The following XKR9 variants were observed in gnomAD, a reference collection of about 807,000 sequenced individuals.
The protein encoded by XKR9 is XK related 9, also known as XK-related protein 9.
In XKR9, 32 loss-of-function variants were observed where a neutral mutation model predicts 32.0. The ratio of observed to expected loss-of-function variants is 1.00; its 90% CI spans 0.76 to 1.34. The LOEUF is 1.34. Among genes scored for constraint, XKR9 ranks in the 40% most tolerant of loss-of-function variants. The pLI is 0.00. For missense variants in XKR9, 546 were observed against 429.7 expected, an observed-to-expected ratio of 1.27 and a Z score of -2.39; for synonymous variants, 168 against 143.4, an observed-to-expected ratio of 1.17 and a Z score of -1.22.
chr8:70,796,095 A>G, the XKR9 span, among the ~76,000 whole-genome samples: 2 of 151,334 alleles, frequency 1.3e-5, no homozygotes, highest in African/African-American at 4.9e-5. Context: ...TCAGGAGTAC[A>G]TGTGCAGGTT....
Position 70,754,264 on chromosome 8 carries a change from A to T in XKR9, n.353-35075A>T, listed in dbSNP as rs900157692. Among the ~76,000 whole-genome samples, 4 of 147,542 alleles carry T rather than the reference A, an allele frequency of 2.7e-5. 1 individual carries two copies. The highest frequency in any genetic ancestry group is 6.0e-5 in the Non-Finnish European group (4 of 67,102). Reference sequence around the variant, plus strand: ...AGACCACTGCTCAATGAAATAAAAGAGGATACAAACAAATGGGAGAACATT... The same window carrying T: ...AGACCACTGCTCAATGAAATAAAAGTGGATACAAACAAATGGGAGAACATT... On this transcript the variant is annotated intron_variant and non_coding_transcript_variant, in intron 2 of 3. Coordinates refer to the XKR9 transcript ENST00000520273.
the XKR9 span, among the ~76,000 whole-genome samples, chr8:70,889,660 T>G: frequency 2.0e-5 from 3 of 151,918 alleles, no homozygotes; most frequent in Non-Finnish European, 2.9e-5. Context: ...ATTACAAATA[T>G]TATATGTAAT....
the XKR9 span, among the ~76,000 whole-genome samples, chr8:70,975,948 G>T: frequency 6.6e-6 from 1 of 152,050 alleles, no homozygotes; most frequent in East Asian, 1.9e-4. Flanking sequence ...TCCTTGAAGA[G>T]GTCCTTCACA....
At chr8:70,944,540 T>C in the XKR9 span, among the ~76,000 whole-genome samples, 1 of 152,270 alleles carries the variant, frequency 6.6e-6, no homozygotes, top group South Asian at 2.1e-4. Context: ...CTTATCTTGT[T>C]TATGGTCTCT....
At chr8:70,892,573 T>C in the XKR9 span, among the ~76,000 whole-genome samples, 2 of 152,182 alleles carry the variant, frequency 1.3e-5, no homozygotes, top group African/African-American at 4.8e-5. Flanking sequence ...AATGACTTTA[T>C]TTCTCTCTCA....
At chr8:70,727,081 T>C (rs994987909) in intron 4 of XKR9, among the ~76,000 whole-genome samples, 2 of 152,216 alleles carry the variant, frequency 1.3e-5, no homozygotes, top group Non-Finnish European at 2.9e-5. Context: ...CCCTCGATTC[T>C]TTTGGGATGG....
chr8:70,695,162 TA>T (rs942169987), intron 3 of XKR9, among the ~76,000 whole-genome samples: 6 of 149,924 alleles, frequency 4.0e-5, no homozygotes, highest in Admixed American at 1.3e-4. Context: ...GATTTGTTTT[TA>T]AAAAAATTTT....
At chr8:71,064,167 T>C in the XKR9 span, among the ~76,000 whole-genome samples, 4 of 152,198 alleles carry the variant, frequency 2.6e-5, no homozygotes, top group Non-Finnish European at 5.9e-5. Flanking sequence ...AACTACCATA[T>C]ACCCATCATT....
chr8:70,743,393 C>T (rs1807015556), intron 2 of XKR9, among the ~76,000 whole-genome samples: 1 of 152,108 alleles, frequency 6.6e-6, no homozygotes, highest in Admixed American at 6.5e-5. Flanking sequence ...GATTGGTCTC[C>T]ATTCATTGCC....
the XKR9 span, among the ~76,000 whole-genome samples, chr8:71,012,373 G>A: frequency 6.6e-6 from 1 of 152,120 alleles, no homozygotes; most frequent in African/African-American, 2.4e-5. Flanking sequence ...AGGTTCCCAG[G>A]GAAGGTTGGT....
the XKR9 span, among the ~76,000 whole-genome samples, chr8:71,045,598 C>A: frequency 6.6e-6 from 1 of 152,176 alleles, no homozygotes; most frequent in African/African-American, 2.4e-5. Flanking sequence ...GGATGGGAGG[C>A]AACAGGGCCT....
intron 3 of XKR9, among the ~76,000 whole-genome samples, chr8:70,685,956 TTTTG>T (rs1225178003): frequency 1.3e-5 from 2 of 151,230 alleles, no homozygotes; most frequent in Non-Finnish European, 3.0e-5. Flanking sequence ...AAAAATAAGT[TTTTG>T]TTTATCTTCA....
chr8:70,974,417 G>T, the XKR9 span, among the ~76,000 whole-genome samples: 5 of 152,024 alleles, frequency 3.3e-5, no homozygotes, highest in South Asian at 8.3e-4. Flanking sequence ...GACAGGCCCC[G>T]GTGTTTGCTG....
chr8:71,014,561 G>GT, the XKR9 span, among the ~76,000 whole-genome samples: 1 of 152,046 alleles, frequency 6.6e-6, no homozygotes. Context: ...ACCTGCCATT[G>GT]GATTTAGGGG....
At chr8:70,803,154 A>G in the XKR9 span, among the ~76,000 whole-genome samples, 3,330 of 151,790 alleles carry the variant, frequency 0.022, 134 homozygotes, top group African/African-American at 0.076. Flanking sequence ...ATTTTCCTTT[A>G]TTTTTTAAAT....
At chr8:70,706,759 CTG>C (rs2132176198) in intron 3 of XKR9, among the ~76,000 whole-genome samples, 172 bp from the exon 4 acceptor site, 1 of 152,126 alleles carries the variant, frequency 6.6e-6, no homozygotes, top group East Asian at 1.9e-4. Context: ...TTTACAGGGT[CTG>C]AATCTCAATA....
chr8:71,004,215 T>G, the XKR9 span, among the ~76,000 whole-genome samples: 1 of 152,150 alleles, frequency 6.6e-6, no homozygotes, highest in African/African-American at 2.4e-5. Context: ...ATGGGTAAAA[T>G]CAGATTTTGG....
the XKR9 span, among the ~76,000 whole-genome samples, chr8:70,950,981 T>C: frequency 6.6e-6 from 1 of 152,198 alleles, no homozygotes; most frequent in Non-Finnish European, 1.5e-5. Context: ...GCCTTCCTTC[T>C]CCTTTTCTTG....
chr8:71,017,985 A>G, the XKR9 span, among the ~76,000 whole-genome samples: 3 of 152,216 alleles, frequency 2.0e-5, no homozygotes, highest in Non-Finnish European at 4.4e-5. Flanking sequence ...AGTTGGTAGT[A>G]TCTGTAACAA....
Sources: allele counts gnomAD v4.1 joint callset (sites outside exome capture counted in the v4.1 genomes callset), GRCh38; gene constraint gnomAD v4.1.1; transcripts MANE v1.5; gene names NCBI Gene and HGNC (gene_info 2026-07-23, HGNC 2026-07-21).